The following MPDZ variants were observed in gnomAD, a reference collection of about 807,000 sequenced individuals.
MPDZ encodes the protein multiple PDZ domain crumbs cell polarity complex component.
MPDZ carries 234 observed loss-of-function variants against 239.1 expected under a neutral mutation model. That is an observed-to-expected ratio of 0.98 (90% CI 0.88 to 1.09). The LOEUF (loss-of-function observed/expected upper bound fraction) is 1.09. Ranked by LOEUF, MPDZ falls within the 50% of genes least tolerant of loss-of-function variation. The pLI is 0.00. For synonymous variants in MPDZ, 1,048 were observed against 881.3 expected (o/e 1.19, Z -3.35); for missense variants, 3,175 against 2,510.0 (o/e 1.26, Z -5.66).
At chr9:13,200,565 C>T (rs1564015371) in intron 12 of MPDZ, among the ~76,000 whole-genome samples, 1 of 151,890 alleles carries the variant, frequency 6.6e-6, no homozygotes, top group African/African-American at 2.4e-5. Flanking sequence ...TTATAAACTT[C>T]CCTCTCAGAA....
chr9:13,223,261 C>A (rs918538664), intron 5 of MPDZ, among the ~76,000 whole-genome samples: 1 of 151,846 alleles, frequency 6.6e-6, no homozygotes, highest in African/African-American at 2.4e-5. Flanking sequence ...TATTATGGGT[C>A]ATTTCTAGCA....
intron 31 of MPDZ, chr9:13,135,294 G>A (rs1946574812): frequency 6.6e-6 from 1 of 152,142 alleles, no homozygotes; most frequent in South Asian, 2.1e-4. Flanking sequence ...AGAGTACTCA[G>A]AAAATATTTG....
At chr9:13,269,468 C>CATT (rs1393156376) in intron 1 of MPDZ, among the ~76,000 whole-genome samples, 2 of 152,094 alleles carry the variant, frequency 1.3e-5, no homozygotes, top group Non-Finnish European at 2.9e-5. Context: ...GAATCAATAA[C>CATT]ATTCCTGCAA....
intron 23 of MPDZ, among the ~76,000 whole-genome samples, chr9:13,160,723 A>T (rs535470720): frequency 4.0e-5 from 6 of 150,912 alleles, no homozygotes; most frequent in Admixed American, 6.6e-5. Flanking sequence ...CTTGGGTCCA[A>T]CATCCATGGA....
chr9:13,240,368 T>C (rs910723404), intron 3 of MPDZ, among the ~76,000 whole-genome samples: 1 of 151,846 alleles, frequency 6.6e-6, no homozygotes, highest in South Asian at 2.1e-4. Context: ...ATAACCAGAA[T>C]GAAGTACTGG....
At chr9:13,118,079 G>A (rs1253148329) in intron 39 of MPDZ, among the ~76,000 whole-genome samples, 4 of 152,028 alleles carry the variant, frequency 2.6e-5, no homozygotes, top group Non-Finnish European at 4.4e-5. Flanking sequence ...CCCGACGTCA[G>A]GTGATCCACC....
At chr9:13,235,501 A>G (rs1290190138) in intron 3 of MPDZ, among the ~76,000 whole-genome samples, 1 of 152,284 alleles carries the variant, frequency 6.6e-6, no homozygotes, top group Middle Eastern at 3.4e-3. Flanking sequence ...AAATTATTCT[A>G]CTAGGCTTAG....
chr9:13,141,913 G>C (rs7871575), intron 27 of MPDZ, among the ~76,000 whole-genome samples: 69,794 of 151,898 alleles, frequency 0.46, 18,772 homozygotes, highest in African/African-American at 0.75. Flanking sequence ...CCCTTGTTAT[G>C]TTCCCAAATG....
At chr9:13,203,914 CT>C (rs1301976203) in intron 12 of MPDZ, among the ~76,000 whole-genome samples, 1 of 152,126 alleles carries the variant, frequency 6.6e-6, no homozygotes, top group Admixed American at 6.6e-5. Flanking sequence ...CAATTTTACC[CT>C]TTCCTACAAT....
chr9:13,274,489 C>A (rs1973711960), intron 1 of MPDZ: 1 of 151,080 alleles, frequency 6.6e-6, no homozygotes. Flanking sequence ...GGCAGACAGG[C>A]CAGAAGAAAA....
At chr9:13,129,682 T>C (rs1391910272) in intron 32 of MPDZ, among the ~76,000 whole-genome samples, 2 of 152,172 alleles carry the variant, frequency 1.3e-5, no homozygotes, top group Non-Finnish European at 2.9e-5. Context: ...ATACAGGGAA[T>C]AGAAAACAAA....
At chr9:13,113,488 T>C (rs577362747) in intron 41 of MPDZ, among the ~76,000 whole-genome samples, 3 of 152,284 alleles carry the variant, frequency 2.0e-5, no homozygotes, top group Admixed American at 2.0e-4. Flanking sequence ...TGAACAACTC[T>C]CAACCAATGC....
intron 23 of MPDZ, among the ~76,000 whole-genome samples, chr9:13,160,156 T>G (rs766385182): frequency 5.3e-5 from 8 of 152,138 alleles, no homozygotes; most frequent in Non-Finnish European, 8.8e-5. Flanking sequence ...CTGCCACATA[T>G]TTTTATATGG....
intron 41 of MPDZ, 76 bp downstream of exon 41, chr9:13,113,855 C>T: frequency 8.9e-7 from 1 of 1,120,426 alleles, no homozygotes. Context: ...AAAGAAAGCT[C>T]AGAGGTAAAC....
intron 21 of MPDZ, among the ~76,000 whole-genome samples, chr9:13,171,384 T>C (rs908354767): frequency 6.6e-6 from 1 of 152,132 alleles, no homozygotes; most frequent in African/African-American, 2.4e-5. Context: ...ACTGAATGTA[T>C]TGTACGGTCT....
chr9:13,156,878 C>T (rs768104579), intron 24 of MPDZ, among the ~76,000 whole-genome samples: 2 of 152,086 alleles, frequency 1.3e-5, no homozygotes, highest in Admixed American at 6.6e-5. Context: ...ATATTTTCTG[C>T]CACAGATCTA....
rs551481728 is a variant in MPDZ at position 13,206,199 on chromosome 9, G to T, written c.1291-100C>A. 3.6e-6 allele frequency: 4 copies of T among 1,113,850 alleles called. No homozygotes were observed. In the South Asian group the frequency reaches 5.2e-5, roughly 14 times the overall value. The allele number at this position is 1,113,850 out of a possible 1,614,324, so 69.0% of individuals were successfully genotyped here. ...GTATGTATAGTTGTTAGTGTGAAAA[G>T]AATGGAGAATAAGTATTCACCTTAT... On this transcript the variant is annotated intron_variant, in intron 10 of 46. Transcript: ENST00000319217.
intron 3 of MPDZ, among the ~76,000 whole-genome samples, chr9:13,230,122 TA>T (rs1961939173): frequency 6.6e-6 from 1 of 152,136 alleles, no homozygotes; most frequent in Middle Eastern, 3.4e-3. Flanking sequence ...AAATGCAAAC[TA>T]AAATCAAAAA....
intron 12 of MPDZ, among the ~76,000 whole-genome samples, chr9:13,196,664 C>T (rs1212115796): frequency 1.3e-5 from 2 of 151,568 alleles, no homozygotes; most frequent in Non-Finnish European, 2.9e-5. Flanking sequence ...ATGAAATCAA[C>T]AAATAATATA....
Sources: allele counts gnomAD v4.1 joint callset (sites outside exome capture counted in the v4.1 genomes callset), GRCh38; gene constraint gnomAD v4.1.1; transcripts MANE v1.5; gene names NCBI Gene and HGNC (gene_info 2026-07-23, HGNC 2026-07-21).